Variants in RAB19 observed in about 807,000 individuals in gnomAD.
RAB19 encodes the protein RAB19, member RAS oncogene family.
In RAB19, 21 loss-of-function variants were observed where a neutral mutation model predicts 17.3. That is an observed-to-expected ratio of 1.21 (90% CI 0.86 to 1.74). The LOEUF is 1.74. RAB19 is among the 40% of genes most tolerant of loss of function. RAB19 has a pLI of 0.00. For synonymous variants in RAB19, 126 were observed against 110.4 expected, an observed-to-expected ratio of 1.14 and a Z score of -0.88; for missense variants, 277 against 286.8, an observed-to-expected ratio of 0.97 and a Z score of 0.25.
Position 140,426,198 on chromosome 7 carries a change from C to A in RAB19, c.*48C>A. ...CCCACCAAAGAGGCCGCCTCTGAAA[C>A]CAAAGGTAGCCAGGATACCGTAGTG... On this transcript the variant is annotated 3_prime_UTR_variant, in exon 4 of 4. Coordinates refer to ENST00000537763, the MANE Select transcript of RAB19 (RefSeq NM_001008749.3). The A allele has an allele frequency of 6.3e-7, 1 of 1,583,136 alleles. No homozygotes were observed. Among genetic ancestry groups the A allele is most frequent in the Non-Finnish European group, 8.6e-7 (1 of 1,165,196 alleles).
At chr7:140,417,185 G>A (rs377688874) in intron 3 of RAB19, among the ~76,000 whole-genome samples, 5 of 149,462 alleles carry the variant, frequency 3.3e-5, no homozygotes, top group East Asian at 3.9e-4. Context: ...GCAGTGAGCC[G>A]AGATCGCACC....
rs1443589641 is a variant in RAB19, at chr7:140,424,637, A to ATG, written c.386-1244_386-1243insGT. 5.4e-3 allele frequency among the ~76,000 whole-genome samples: 649 copies of ATG among 120,714 alleles called. 5 individuals carry two copies. The highest frequency in any genetic ancestry group is 0.015 in the African/African-American group (432 of 29,238). The allele number at this position is 120,714 out of a possible 152,430, so 79.2% of individuals were successfully genotyped here. ...TCTCTCTCTATATATATATATATAT[A>ATG]TATGTGTGTGTGTATATATGTGTGT... On this transcript the variant is annotated intron_variant, in intron 3 of 3. Transcript: ENST00000537763.
chr7:140,412,990 G>A (rs1024366412), intron 3 of RAB19, among the ~76,000 whole-genome samples: 1 of 151,960 alleles, frequency 6.6e-6, no homozygotes, highest in Non-Finnish European at 1.5e-5. Context: ...GCTGAGCGTG[G>A]TGGTGCACAC....
chr7:140,407,284 C>T (rs1799261113), intron 1 of RAB19, among the ~76,000 whole-genome samples: 1 of 152,182 alleles, frequency 6.6e-6, no homozygotes, highest in Non-Finnish European at 1.5e-5. Flanking sequence ...GTGGGCATTT[C>T]CTCTGCCATT....
chr7:140,406,971 C>T (rs1378266721), intron 1 of RAB19, among the ~76,000 whole-genome samples: 2 of 151,908 alleles, frequency 1.3e-5, no homozygotes, highest in Admixed American at 6.6e-5. Flanking sequence ...CTGCAACTTC[C>T]GCCTCCCGGA....
chr7:140,422,655 A>C (rs1799583149), intron 3 of RAB19, among the ~76,000 whole-genome samples: 1 of 149,448 alleles, frequency 6.7e-6, no homozygotes, highest in South Asian at 2.1e-4. Context: ...CCCATCACCA[A>C]ATAAAAAAAA....
chr7:140,423,981 G>C (rs1469187353), intron 3 of RAB19, among the ~76,000 whole-genome samples: 1 of 151,870 alleles, frequency 6.6e-6, no homozygotes, highest in Non-Finnish European at 1.5e-5. Flanking sequence ...AGCCTCCTGA[G>C]TAGCTGGGAT....
Position 140,426,124 on chromosome 7 carries a change from A to G in RAB19, c.628A>G (p.Ser210Gly), listed in dbSNP as rs769155753. The G allele has an allele frequency of 4.6e-5, 75 of 1,613,896 alleles. No homozygotes were observed. Among genetic ancestry groups the G allele is most frequent in the Non-Finnish European group, 6.1e-5 (72 of 1,179,980 alleles). The change falls in exon 4 of 4, where the codon AGT (serine) becomes GGT (glycine). Residue 210 changes from serine (S) to glycine (G), a missense_variant. Physicochemically the swap from Ser to Gly is moderately conservative, Grantham distance 56. Transcript: ENST00000537763. ...SSPVLMAQGP[S>G]EKTHCTC ...CCCCGTTCTTATGGCCCAGGGTCCA[A>G]GTGAAAAGACCCACTGCACTTGCTA...
Position 140,407,783 on chromosome 7 carries a change from A to G in RAB19, c.137A>G (p.Gln46Arg). ...HFKSGVYTET[Q>R]QNTIGVDFTV... ...AAGTCTGGAGTCTACACTGAGACACAGCAGAACACGATTGGAGTGGACTTT... is the reference window on the plus strand; with the variant it reads ...AAGTCTGGAGTCTACACTGAGACACGGCAGAACACGATTGGAGTGGACTTT... Residue 46 changes from glutamine (Q) to arginine (R), a missense_variant, in exon 2 of 4, where the codon CAG becomes CGG. Transcript: ENST00000537763. The G allele has an allele frequency of 2.5e-6, 4 of 1,613,906 alleles. No homozygotes were observed. The highest frequency in any genetic ancestry group is 3.4e-6 in the Non-Finnish European group (4 of 1,179,976).
intron 3 of RAB19, among the ~76,000 whole-genome samples, chr7:140,422,741 C>T (rs1055093563): frequency 6.6e-6 from 1 of 152,006 alleles, no homozygotes. Context: ...AGAACGTTAA[C>T]GCTGCAGTGA....
At chr7:140,424,352 T>G (rs1203757442) in intron 3 of RAB19, among the ~76,000 whole-genome samples, 2 of 151,230 alleles carry the variant, frequency 1.3e-5, no homozygotes, top group Non-Finnish European at 2.9e-5. Context: ...AAATGGGGTT[T>G]CGCCATGTTG....
In RAB19 at chr7:140,426,839, CTTTTTT is replaced by C. The variant is rs398067341; in HGVS notation, c.*704_*709del. Among the ~76,000 whole-genome samples the C allele has an allele frequency of 1.6e-5, 2 of 124,002 alleles. No homozygotes were observed. Among genetic ancestry groups the C allele is most frequent in the African/African-American group, 3.2e-5 (1 of 30,840 alleles). 81.4% of individuals were successfully genotyped at this position (124,002 alleles called of 152,430 possible). On this transcript the variant is annotated 3_prime_UTR_variant, in exon 4 of 4. Coordinates refer to ENST00000537763, the MANE Select transcript of RAB19 (RefSeq NM_001008749.3). Reference sequence around the variant, plus strand: ...AAGACACCTGCAATTTTTTTTCTTTCTTTTTTTTTTTTTTTTTTTTGAGACAGGGTC... The same window carrying C: ...AAGACACCTGCAATTTTTTTTCTTTCTTTTTTTTTTTTTTGAGACAGGGTC...
At chr7:140,404,263 C>G (rs145091502) in intron 1 of RAB19, 46 bp downstream of exon 1, 1 of 152,374 alleles carries the variant, frequency 6.6e-6, no homozygotes, top group South Asian at 2.1e-4. Flanking sequence ...GGGATGCCGG[C>G]GGGAGGACAT....
intron 3 of RAB19, among the ~76,000 whole-genome samples, chr7:140,423,210 T>C (rs1332473157): frequency 6.6e-6 from 1 of 151,458 alleles, no homozygotes; most frequent in Non-Finnish European, 1.5e-5. Context: ...GAAGCCAAGG[T>C]GGGCAGATCA....
intron 2 of RAB19, among the ~76,000 whole-genome samples, chr7:140,410,381 C>T (rs1799336261): frequency 7.3e-6 from 1 of 136,060 alleles, no homozygotes; most frequent in African/African-American, 2.8e-5. Flanking sequence ...CTGCGGACTG[C>T]AGTGGCGCAA....
intron 2 of RAB19, among the ~76,000 whole-genome samples, chr7:140,409,676 A>G (rs1799314664): frequency 6.8e-6 from 1 of 147,016 alleles, no homozygotes; most frequent in Admixed American, 6.8e-5. Flanking sequence ...CCAGCCTGGG[A>G]GTCAGAGCAA....
At chr7:140,424,178 A>C (rs1162473078) in intron 3 of RAB19, among the ~76,000 whole-genome samples, 1 of 130,022 alleles carries the variant, frequency 7.7e-6, no homozygotes, top group African/African-American at 3.0e-5. Context: ...TTTTTTTGAC[A>C]TGCCGTTTCG....
chr7:140,424,242 C>T (rs1288315326), intron 3 of RAB19, among the ~76,000 whole-genome samples: 1 of 151,316 alleles, frequency 6.6e-6, no homozygotes, highest in Admixed American at 6.6e-5. Flanking sequence ...ACTGCAACCT[C>T]TGCCTCCTGG....
chr7:140,408,754 A>ATT (rs1409760511), intron 2 of RAB19, among the ~76,000 whole-genome samples: 24 of 151,798 alleles, frequency 1.6e-4, no homozygotes, highest in Admixed American at 1.3e-4. Flanking sequence ...GGGATTACAG[A>ATT]TGTGAACCAC....
Sources: allele counts gnomAD v4.1 joint callset (sites outside exome capture counted in the v4.1 genomes callset), GRCh38; gene constraint gnomAD v4.1.1; transcripts MANE v1.5; gene names NCBI Gene and HGNC (gene_info 2026-07-23, HGNC 2026-07-21).